PCSK6: variants seen among roughly 807,000 people sequenced by gnomAD.
The protein encoded by PCSK6 is paired basic amino acid cleaving enzyme 4.
Under a neutral mutation model 123.3 loss-of-function variants are expected in PCSK6, and 85 were observed. The ratio of observed to expected loss-of-function variants is 0.69; its 90% CI spans 0.58 to 0.83. The LOEUF is 0.83. Ranked by LOEUF, PCSK6 falls within the 40% of genes least tolerant of loss-of-function variation. The pLI is 0.00. For missense variants in PCSK6, 1,191 were observed against 1,282.3 expected (o/e 0.93, Z 1.09); for synonymous variants, 508 against 516.0 (o/e 0.98, Z 0.21).
rs557495299 is a variant in PCSK6 at position 101,375,248 on chromosome 15, C to T, written c.1533-4725G>A. Among the ~76,000 whole-genome samples the T allele has an allele frequency of 1.7e-4, 26 of 152,144 alleles. 1 individual carries two copies. The highest frequency in any genetic ancestry group is 8.5e-4 in the Admixed American group (13 of 15,280). On this transcript the variant is annotated intron_variant, in intron 11 of 21. Transcript: ENST00000611716. The stretch of plus-strand genomic sequence containing the variant: ...GATTACAGGCGTGAGCCACGGCGCC[C>T]GGCCAAAATTACTTTTGATGATCAA...
At position 101,331,812 on chromosome 15, in the gene PCSK6, C is replaced by T. The variant is rs148736807; in HGVS notation, c.2038+40G>A. The T allele has an allele frequency of 7.4e-3, 11,962 of 1,608,580 alleles. 68 individuals carry two copies. Among genetic ancestry groups the T allele is most frequent in the Non-Finnish European group, 8.1e-3 (9,522 of 1,176,166 alleles). ...AGAGCTACTCTGGACAATCAAAGCT[C>T]GTGGAAGCTGGCCGTCTCCTCTTAC... is the stretch of plus-strand genomic sequence containing the variant. On this transcript the variant is annotated intron_variant, in intron 14 of 21. Transcript: ENST00000611716.
chr15:101,427,426 G>A (rs116649183), intron 6 of PCSK6, among the ~76,000 whole-genome samples: 2,125 of 152,260 alleles, frequency 0.014, 52 homozygotes, highest in African/African-American at 0.048. Flanking sequence ...TGTCTAAGGG[G>A]CACTATGAAA....
chr15:101,327,269 C>T (rs928791815), intron 15 of PCSK6, among the ~76,000 whole-genome samples: 10 of 152,168 alleles, frequency 6.6e-5, no homozygotes, highest in African/African-American at 2.2e-4. Context: ...GAACTGCAGG[C>T]GAGCTGAGTA....
In PCSK6 at chr15:101,398,248, C is replaced by T. The variant is rs2042474925; in HGVS notation, c.996+156G>A. On this transcript the variant is annotated intron_variant, in intron 7 of 21. Coordinates refer to ENST00000611716, the MANE Select transcript of PCSK6 (RefSeq NM_002570.5). The surrounding 1 kb of genome is among the most constrained non-coding windows in gnomAD (Gnocchi z 4.6). ...CGGTCAAGAGCCACTTCTCAGACTC[C>T]CCGAGTGACTCCTCCACACTGGCCC... Among the ~76,000 whole-genome samples, 1 of 152,200 alleles carries T rather than the reference C, an allele frequency of 6.6e-6. No homozygotes were observed. The highest frequency in any genetic ancestry group is 2.4e-5 in the African/African-American group (1 of 41,460).
rs2058106322 is a variant in PCSK6, at chr15:101,489,350, G to T, written c.297+24C>A. 3 of 1,135,870 alleles carry T rather than the reference G, an allele frequency of 2.6e-6. No individual in the cohort carries two copies. The South Asian group carries it at 8.0e-5, about 30-fold the overall frequency. The allele number at this position is 1,135,870 out of a possible 1,614,324, so 70.4% of individuals were successfully genotyped here. ...CCGGAGGCCGCCGGGAAAGTTTTGG[G>T]CGCGCGGGGCCGGCCGCACTCACCT... On this transcript the variant is annotated intron_variant, in intron 1 of 21. Transcript: ENST00000611716.
intron 6 of PCSK6, among the ~76,000 whole-genome samples, chr15:101,423,003 T>C (rs1027068779): frequency 1.5e-4 from 23 of 151,906 alleles, no homozygotes; most frequent in African/African-American, 5.6e-4. Flanking sequence ...AATAAAAAAT[T>C]ACTAGACATA....
At chr15:101,384,518 G>T in intron 9 of PCSK6, 93 bp from the exon 10 acceptor site, 1 of 959,708 alleles carries the variant, frequency 1.0e-6, no homozygotes, top group African/African-American at 1.6e-5. Flanking sequence ...GCCAACCCAC[G>T]TCTGAACTTC....
Position 101,305,233 on chromosome 15 carries a change from GCCCTCTGTGGGCAGCTAGGCA to G in PCSK6, c.*4_*24del. Reference sequence around the variant, plus strand: ...GACGGATGGATGGATGGGAGTGCCTGCCCTCTGTGGGCAGCTAGGCACCCTTACCCGGCCAGGAGGCACGTG... The same window carrying G: ...GACGGATGGATGGATGGGAGTGCCTGCCCTTACCCGGCCAGGAGGCACGTG... On this transcript the variant is annotated 3_prime_UTR_variant, in exon 22 of 22. Transcript: ENST00000611716. The surrounding 1 kb of genome is among the most constrained non-coding windows in gnomAD (Gnocchi z 4.8). 6.4e-7 allele frequency: 1 copy of G among 1,574,410 alleles called. No homozygotes were observed. The highest frequency in any genetic ancestry group is 1.1e-5 in the South Asian group (1 of 89,404).
At chr15:101,322,479 G>C in intron 18 of PCSK6, 41 bp downstream of exon 18, 1 of 1,380,224 alleles carries the variant, frequency 7.2e-7, no homozygotes, top group Non-Finnish European at 1.0e-6. Flanking sequence ...TCCAAGCAGC[G>C]CCACCGCCCT....
Position 101,459,156 on chromosome 15 carries a change from T to C in PCSK6, c.298-15496A>G, listed in dbSNP as rs565917609. On this transcript the variant is annotated intron_variant, in intron 1 of 21. Transcript: ENST00000611716. ...TGGGAATCCCTATTATATACAAACA[T>C]CTATTTTGAAGCCAAAACAAGGGAG... Among the ~76,000 whole-genome samples the C allele has an allele frequency of 2.0e-5, 3 of 152,202 alleles. No individual in the cohort carries two copies. In the East Asian group the frequency reaches 5.8e-4, roughly 29 times the overall value.
At chr15:101,413,780 G>A (rs1301169641) in intron 6 of PCSK6, among the ~76,000 whole-genome samples, 1 of 152,116 alleles carries the variant, frequency 6.6e-6, no homozygotes, top group Non-Finnish European at 1.5e-5. Flanking sequence ...TTCCATGCAT[G>A]TAGAAAACAT....
chr15:101,461,897 A>T (rs2057348268), intron 1 of PCSK6, among the ~76,000 whole-genome samples: 1 of 152,240 alleles, frequency 6.6e-6, no homozygotes. Context: ...CACTCCCTTT[A>T]AAATCAAGAA....
At chr15:101,313,611 C>T (rs1424680342) in intron 19 of PCSK6, 106 bp from the exon 20 acceptor site, 12 of 1,473,744 alleles carry the variant, frequency 8.1e-6, no homozygotes, top group South Asian at 1.4e-5. Flanking sequence ...TTCAGGAGCC[C>T]CCAGGCCACC....
chr15:101,308,258 A>G (rs1212560472), intron 20 of PCSK6: 1 of 152,220 alleles, frequency 6.6e-6, no homozygotes, highest in East Asian at 1.9e-4. Flanking sequence ...CCACCTCCCC[A>G]TTGTTGCCAG....
intron 2 of PCSK6, among the ~76,000 whole-genome samples, chr15:101,432,457 T>G (rs1239040491): frequency 2.2e-5 from 1 of 45,348 alleles, no homozygotes; most frequent in Non-Finnish European, 3.9e-5. Context: ...ACCCCACCTC[T>G]CCAAAAAAAA....
intron 1 of PCSK6, among the ~76,000 whole-genome samples, chr15:101,460,185 C>T (rs1173551288): frequency 4.6e-5 from 7 of 152,126 alleles, no homozygotes; most frequent in Admixed American, 2.6e-4. Context: ...CCTCCGTGTC[C>T]TCCTCTCTGT....
intron 2 of PCSK6, among the ~76,000 whole-genome samples, chr15:101,440,489 G>A (rs1182068256): frequency 6.6e-6 from 1 of 152,186 alleles, no homozygotes; most frequent in Non-Finnish European, 1.5e-5. Flanking sequence ...GTGACATGGG[G>A]TGGACTGTAC....
chr15:101,403,458 G>A (rs2042670613), intron 6 of PCSK6, among the ~76,000 whole-genome samples: 1 of 151,360 alleles, frequency 6.6e-6, no homozygotes, highest in Non-Finnish European at 1.5e-5. Context: ...AAAAAATGGA[G>A]GTAGTAACAA....
intron 2 of PCSK6, among the ~76,000 whole-genome samples, chr15:101,434,580 C>G (rs1406583633): frequency 2.6e-5 from 4 of 152,250 alleles, no homozygotes; most frequent in Non-Finnish European, 4.4e-5. Context: ...CTGTGATAGC[C>G]TGCGGCCCGC....
Sources: gnomAD v4.1 joint callset for allele counts (sites outside exome capture counted in the v4.1 genomes callset) on GRCh38, gnomAD v4.1.1 for gene constraint, Gnocchi (gnomAD v3.1) non-coding constraint, MANE v1.5 for transcripts, NCBI Gene and HGNC (gene_info 2026-07-23, HGNC 2026-07-21) for gene names.